SNED1: variants seen among roughly 807,000 people sequenced by gnomAD.
The protein encoded by SNED1 is sushi, nidogen and EGF-like domain-containing protein 1.
In SNED1, 81 loss-of-function variants were observed where a neutral mutation model predicts 166.7. That is an observed-to-expected ratio of 0.49 (90% CI 0.41 to 0.58). The LOEUF is 0.58. Ranked by LOEUF, SNED1 falls within the 20% of genes least tolerant of loss-of-function variation. The pLI is 0.00. For synonymous variants in SNED1, 762 were observed against 822.0 expected (o/e 0.93, Z 1.25); for missense variants, 1,604 against 2,000.2 (o/e 0.80, Z 3.78).
chr2:241,087,848 C>T (rs776035322), intron 30 of SNED1: 12 of 505,918 alleles, frequency 2.4e-5, no homozygotes, highest in Non-Finnish European at 3.8e-5. Context: ...GTTCTTTCCA[C>T]AAAGGGTTCA....
chr2:241,045,574 GA>G (rs1206156947), intron 8 of SNED1, among the ~76,000 whole-genome samples: 1 of 151,618 alleles, frequency 6.6e-6, no homozygotes, highest in African/African-American at 2.4e-5. Flanking sequence ...AAATGGGGTT[GA>G]AACAATTAAA....
intron 16 of SNED1, among the ~76,000 whole-genome samples, chr2:241,059,844 G>C (rs190932776): frequency 1.3e-5 from 2 of 152,304 alleles, no homozygotes; most frequent in Admixed American, 1.3e-4. Context: ...CCTGGAATCC[G>C]TACAAGGCAA....
intron 1 of SNED1, among the ~76,000 whole-genome samples, chr2:241,022,870 C>T (rs1421346914): frequency 6.6e-6 from 1 of 152,056 alleles, no homozygotes; most frequent in Non-Finnish European, 1.5e-5. Flanking sequence ...TTTATAAAAT[C>T]CTCTGATTAC....
At position 241,069,755 on chromosome 2, in the gene SNED1, T is replaced by C. The variant is rs558592228; in HGVS notation, c.3308-165T>C. Among the ~76,000 whole-genome samples the C allele has an allele frequency of 3.9e-5, 6 of 152,172 alleles. No homozygotes were observed. Among genetic ancestry groups the C allele is most frequent in the Admixed American group, 1.3e-4 (2 of 15,302 alleles). On this transcript the variant is annotated intron_variant, in intron 23 of 31. Coordinates refer to ENST00000310397, the MANE Select transcript of SNED1 (RefSeq NM_001080437.3). This position sits in a 1 kb window ranked among gnomAD's most constrained non-coding sequence, Gnocchi z 4.9. Reference sequence around the variant, plus strand: ...AGGTCTCTCGGTTGGAAGATTGTGCTGTACGTGCCAGCCCACACCCCGCCT... The same window carrying C: ...AGGTCTCTCGGTTGGAAGATTGTGCCGTACGTGCCAGCCCACACCCCGCCT...
At chr2:241,019,466 G>A (rs867337831) in intron 1 of SNED1, among the ~76,000 whole-genome samples, 9 of 152,198 alleles carry the variant, frequency 5.9e-5, no homozygotes, top group African/African-American at 1.2e-4. Context: ...CCTGGAGAGC[G>A]GAGACCCCAC....
chr2:241,019,711 C>T lies in SNED1; in HGVS notation c.214-10573C>T, dbSNP rs577154752. ...CGGTCCGATCGGAGAGCACCCTTACCGTGGGCACCTGCACGAGCGGCCCAG... is the reference window on the plus strand; with the variant it reads ...CGGTCCGATCGGAGAGCACCCTTACTGTGGGCACCTGCACGAGCGGCCCAG... On this transcript the variant is annotated intron_variant, in intron 1 of 31. Coordinates refer to ENST00000310397, the MANE Select transcript of SNED1 (RefSeq NM_001080437.3). Among the ~76,000 whole-genome samples the T allele has an allele frequency of 3.6e-3, 551 of 152,328 alleles. 2 individuals carry two copies. The highest frequency in any genetic ancestry group is 6.0e-3 in the Non-Finnish European group (406 of 68,032).
At chr2:241,084,773 A>G (rs2063502064) in intron 29 of SNED1, among the ~76,000 whole-genome samples, 1 of 152,168 alleles carries the variant, frequency 6.6e-6, no homozygotes, top group Non-Finnish European at 1.5e-5. Context: ...TCTCTTTGCC[A>G]TAAGAACTTA....
At chr2:241,016,585 C>T (rs1386697108) in intron 1 of SNED1, among the ~76,000 whole-genome samples, 1 of 152,126 alleles carries the variant, frequency 6.6e-6, no homozygotes, top group Non-Finnish European at 1.5e-5. Context: ...TGAAATTGGC[C>T]TGGAGTTGTC....
chr2:241,084,045 G>A (rs771405462), intron 29 of SNED1, among the ~76,000 whole-genome samples: 24 of 151,522 alleles, frequency 1.6e-4, no homozygotes, highest in Non-Finnish European at 3.5e-4. Context: ...TTTAGAGGTT[G>A]CTCTGGGATT....
At chr2:241,035,340 C>T (rs934182339) in intron 4 of SNED1, among the ~76,000 whole-genome samples, 17 of 152,156 alleles carry the variant, frequency 1.1e-4, no homozygotes, top group Non-Finnish European at 2.2e-4. Context: ...AGTGCACAAA[C>T]GGACGGGGTG....
Position 241,091,400 on chromosome 2 carries a change from G to A in SNED1, c.*2-238G>A, listed in dbSNP as rs1288215524. Among the ~76,000 whole-genome samples, 10 of 116,060 alleles carry A rather than the reference G, an allele frequency of 8.6e-5. No homozygotes were observed. The highest frequency in any genetic ancestry group is 1.5e-4 in the African/African-American group (3 of 19,736). 76.1% of individuals were successfully genotyped at this position (116,060 alleles called of 152,430 possible). A position where few individuals can be genotyped will look rare whatever the true frequency, so the allele number is the denominator to read the frequency against. On this transcript the variant is annotated intron_variant, in intron 31 of 31. Coordinates refer to ENST00000310397, the MANE Select transcript of SNED1 (RefSeq NM_001080437.3). The surrounding 1 kb of genome is among the most constrained non-coding windows in gnomAD (Gnocchi z 4.1). Reference sequence around the variant, plus strand: ...TGTTCCTAAAGATGGGGATGTAGTCGGTGGAGGCTGCCCCTCCCCGTGTGC... The same window carrying A: ...TGTTCCTAAAGATGGGGATGTAGTCAGTGGAGGCTGCCCCTCCCCGTGTGC...
chr2:241,053,022 CT>C, intron 15 of SNED1, 130 bp from the exon 16 acceptor site: 1 of 855,686 alleles, frequency 1.2e-6, no homozygotes. Flanking sequence ...GTCGAGGCAC[CT>C]TTCCCCGGTG....
rs2062961823 is a variant in SNED1 at position 241,075,174 on chromosome 2, T to C, written c.3916+1810T>C. 1 of 152,034 alleles carries C rather than the reference T, an allele frequency of 6.6e-6. No homozygotes were observed. The highest frequency in any genetic ancestry group is 2.1e-4 in the South Asian group (1 of 4,812). The allele number at this position is 152,034 out of a possible 1,614,324, so 9.4% of individuals were successfully genotyped here. ...CCTCTCTGTGCAGAGAACATGTAGG[T>C]TGTGTTTGGTATGAGCAGTGCTGCA... On this transcript the variant is annotated intron_variant, in intron 27 of 31. Transcript: ENST00000310397. The surrounding 1 kb of genome is among the most constrained non-coding windows in gnomAD (Gnocchi z 4.8).
At position 241,064,805 on chromosome 2, in the gene SNED1, C is replaced by T. The variant is rs1219536129; in HGVS notation, c.2600-39C>T. The T allele has an allele frequency of 2.1e-6, 3 of 1,437,860 alleles. No individual in the cohort carries two copies. In the Admixed American group the frequency reaches 8.2e-5, roughly 39 times the overall value. The allele number at this position is 1,437,860 out of a possible 1,614,324, so 89.1% of individuals were successfully genotyped here. On this transcript the variant is annotated intron_variant, in intron 19 of 31. Coordinates refer to ENST00000310397, the MANE Select transcript of SNED1 (RefSeq NM_001080437.3). This position sits in a 1 kb window ranked among gnomAD's most constrained non-coding sequence, Gnocchi z 7.0. ...GCGGGGCTGGAGCAGGGACCCCTGG[C>T]CACGCCCCAACATACACTGCCACTT... is the stretch of plus-strand genomic sequence containing the variant.
At chr2:241,086,404 C>G (rs1335110357) in intron 29 of SNED1, among the ~76,000 whole-genome samples, 1 of 152,172 alleles carries the variant, frequency 6.6e-6, no homozygotes, top group African/African-American at 2.4e-5. Flanking sequence ...GTCTCCCCAA[C>G]TTCAATCTCT....
chr2:241,060,454 T>C (rs999935543), intron 16 of SNED1, among the ~76,000 whole-genome samples: 1 of 152,176 alleles, frequency 6.6e-6, no homozygotes, highest in African/African-American at 2.4e-5. Context: ...AAGTGCTGGA[T>C]TACAGGCGCG....
chr2:241,086,256 C>T (rs984819491), intron 29 of SNED1, among the ~76,000 whole-genome samples: 1 of 152,206 alleles, frequency 6.6e-6, no homozygotes, highest in African/African-American at 2.4e-5. Flanking sequence ...TTCTTCTTTG[C>T]CTTGTGGGGA....
chr2:241,088,070 T>G (rs192691161), intron 30 of SNED1: 3 of 463,956 alleles, frequency 6.5e-6, no homozygotes, highest in Non-Finnish European at 7.6e-6. Context: ...CGTCACCGGC[T>G]CTTCCCTAGG....
intron 1 of SNED1, chr2:241,010,585 A>C (rs191054387): frequency 2.0e-5 from 3 of 152,254 alleles, no homozygotes; most frequent in South Asian, 2.1e-4. Context: ...CAAGAATCTC[A>C]GCCTGCTCAG....
Sources: gnomAD v4.1 joint callset for allele counts (sites outside exome capture counted in the v4.1 genomes callset) on GRCh38, gnomAD v4.1.1 for gene constraint, Gnocchi (gnomAD v3.1) non-coding constraint, MANE v1.5 for transcripts, NCBI Gene and HGNC (gene_info 2026-07-23, HGNC 2026-07-21) for gene names.